Variants in NCOA3 observed in about 807,000 individuals in gnomAD.
NCOA3 encodes CBP-interacting protein.
In NCOA3, 51 loss-of-function variants were observed where a neutral mutation model predicts 158.8. The ratio of observed to expected loss-of-function variants is 0.32; its 90% confidence interval spans 0.26 to 0.41. The LOEUF (loss-of-function observed/expected upper bound fraction) is 0.41, where lower values mean the gene tolerates loss of function less well. Ranked by LOEUF, NCOA3 falls within the 10% of genes least tolerant of loss-of-function variation. The probability of loss-of-function intolerance (pLI) is 1.00; values close to 1 mark genes in which losing one functional copy is unlikely to be tolerated. For missense variants in NCOA3, 1,510 were observed against 1,746.6 expected, an observed-to-expected ratio of 0.86 and a Z score of 2.41; for synonymous variants, 537 against 592.4, an observed-to-expected ratio of 0.91 and a Z score of 1.36.
At chr20:47,587,138 G>A (rs968193289) in intron 2 of NCOA3, among the ~76,000 whole-genome samples, 3 of 152,234 alleles carry the variant, frequency 2.0e-5, no homozygotes, top group Non-Finnish European at 2.9e-5. Flanking sequence ...TTACCCGTCG[G>A]ATCTTGGCTG....
chr20:47,544,008 G>A (rs984073973), intron 1 of NCOA3, among the ~76,000 whole-genome samples: 2 of 151,990 alleles, frequency 1.3e-5, no homozygotes, highest in Admixed American at 1.3e-4. Flanking sequence ...AGACTTTTGG[G>A]AATGTTGCAA....
At position 47,622,337 on chromosome 20, in the gene NCOA3, G is replaced by T; in HGVS notation, c.83+7G>T. ...GTGATACTCCAGGACAAGGGTAGGT[G>T]ACTTATTTCCTGGTGCTTTACCACA... On this transcript the variant is annotated splice_region_variant and intron_variant, in intron 3 of 22. Transcript: ENST00000371998. 1 of 1,571,338 alleles carries T rather than the reference G, an allele frequency of 6.4e-7. No individual in the cohort carries two copies. Among genetic ancestry groups the T allele is most frequent in the Non-Finnish European group, 8.7e-7 (1 of 1,155,390 alleles).
At chr20:47,641,459 A>G (rs1203656040) in intron 16 of NCOA3, among the ~76,000 whole-genome samples, 1 of 132,106 alleles carries the variant, frequency 7.6e-6, no homozygotes, top group Non-Finnish European at 1.6e-5. Context: ...TTCTGGGATT[A>G]CAGGTGTCAG....
intron 2 of NCOA3, among the ~76,000 whole-genome samples, chr20:47,600,110 T>TTGTG (rs11472351): frequency 0.037 from 5,283 of 143,002 alleles, 155 homozygotes; most frequent in African/African-American, 0.079. Context: ...CTCACTTCCT[T>TTGTG]TGTGTGTGTG....
At chr20:47,546,533 T>TC in intron 1 of NCOA3, among the ~76,000 whole-genome samples, 1 of 151,402 alleles carries the variant, frequency 6.6e-6, no homozygotes, top group East Asian at 1.9e-4. Flanking sequence ...CTCTGTTTTT[T>TC]TTTTTTTTTT....
intron 17 of NCOA3, among the ~76,000 whole-genome samples, chr20:47,644,552 G>A (rs772206000): frequency 1.3e-4 from 20 of 152,152 alleles, no homozygotes; most frequent in Non-Finnish European, 2.8e-4. Context: ...AGTATCTGGT[G>A]ATCCCTGACT....
intron 2 of NCOA3, among the ~76,000 whole-genome samples, chr20:47,595,578 G>T (rs754538200): frequency 6.6e-6 from 1 of 152,120 alleles, no homozygotes; most frequent in African/African-American, 2.4e-5. Flanking sequence ...GTCCAGTAAG[G>T]CCAGTTCTAT....
At chr20:47,561,979 T>C (rs1050767949) in intron 1 of NCOA3, among the ~76,000 whole-genome samples, 1 of 151,036 alleles carries the variant, frequency 6.6e-6, no homozygotes, top group African/African-American at 2.4e-5. Flanking sequence ...TAGTTTTGCT[T>C]TTTTTTTTGA....
intron 1 of NCOA3, among the ~76,000 whole-genome samples, chr20:47,582,687 A>C (rs1431547102): frequency 6.6e-6 from 1 of 152,190 alleles, no homozygotes; most frequent in Non-Finnish European, 1.5e-5. Flanking sequence ...CTTTTCAAAC[A>C]GAAGTAGTGA....
rs2086879415 is a variant in NCOA3, at chr20:47,656,602, G to A, written c.*3185G>A. ...ACTCCAAGGCACACTGTTAATAAAC[G>A]AGCAGGGTGTTTTCTCTCTTCCTTT... On this transcript the variant is annotated 3_prime_UTR_variant, in exon 23 of 23. Coordinates refer to ENST00000371998, the MANE Select transcript of NCOA3 (RefSeq NM_181659.3). The A allele has an allele frequency of 6.6e-6, 1 of 152,570 alleles. No individual in the cohort carries two copies. The highest frequency in any genetic ancestry group is 1.5e-5 in the Non-Finnish European group (1 of 68,034). The allele number at this position is 152,570 out of a possible 1,614,324, so 9.5% of individuals were successfully genotyped here.
At chr20:47,516,199 A>G (rs186227483) in intron 1 of NCOA3, among the ~76,000 whole-genome samples, 56 of 152,326 alleles carry the variant, frequency 3.7e-4, no homozygotes, top group Non-Finnish European at 4.4e-5. Flanking sequence ...CTGGATGATA[A>G]TGATGCCTCA....
At chr20:47,532,654 T>G (rs538260496) in intron 1 of NCOA3, among the ~76,000 whole-genome samples, 1 of 152,154 alleles carries the variant, frequency 6.6e-6, no homozygotes, top group Non-Finnish European at 1.5e-5. Flanking sequence ...TTTTTTTTTC[T>G]TGTAGAGACA....
intron 1 of NCOA3, among the ~76,000 whole-genome samples, chr20:47,537,250 A>C (rs1321178931): frequency 6.6e-6 from 1 of 152,160 alleles, no homozygotes; most frequent in African/African-American, 2.4e-5. Flanking sequence ...GGAGAAGGAA[A>C]GTTGGTAAAA....
At position 47,555,494 on chromosome 20, in the gene NCOA3, TG is replaced by T. The variant is rs139912646; in HGVS notation, c.-98-27688del. On this transcript the variant is annotated intron_variant, in intron 1 of 22. Transcript: ENST00000371998. ...ATCCATAATTCCATTGTCAGTATTCTGTGTAGTAAAATTTGGATTATCTTCA... is the reference window on the plus strand; with the variant it reads ...ATCCATAATTCCATTGTCAGTATTCTTGTAGTAAAATTTGGATTATCTTCA... 7.8e-3 allele frequency among the ~76,000 whole-genome samples: 1,195 copies of T among 152,328 alleles called. 19 individuals are homozygous for T. The highest frequency in any genetic ancestry group is 0.027 in the African/African-American group (1,123 of 41,572).
rs757864008 is a variant in NCOA3, at chr20:47,628,021, C to T, written c.821C>T (p.Ser274Leu). ...PESFITRHDL[S>L]GKVVNIDTNS... is the part of the protein sequence containing the mutation. ...AGCTTTATTACCAGACATGATCTTT[C>T]AGGTAAAAACTCTTTTTTTGTCTCT... Residue 274 changes from serine (S) to leucine (L), a missense_variant and splice_region_variant, in exon 8 of 23, where the codon TCA becomes TTA. By Grantham distance (145) the Ser-to-Leu change is moderately radical. Coordinates refer to ENST00000371998, the MANE Select transcript of NCOA3 (RefSeq NM_181659.3). 1.2e-6 allele frequency: 2 copies of T among 1,609,670 alleles called. No homozygotes were observed. Among genetic ancestry groups the T allele is most frequent in the South Asian group, 2.2e-5 (2 of 91,006 alleles).
intron 3 of NCOA3, 98 bp from the exon 4 acceptor site, chr20:47,623,813 C>A: frequency 9.4e-6 from 10 of 1,058,310 alleles, no homozygotes; most frequent in African/African-American, 1.7e-5. Context: ...AAAAAGTAAT[C>A]ATGTAATAGT....
chr20:47,536,873 G>A (rs2084642574), intron 1 of NCOA3, among the ~76,000 whole-genome samples: 1 of 147,482 alleles, frequency 6.8e-6, no homozygotes, highest in South Asian at 2.1e-4. Context: ...GTGCAATCTC[G>A]GCTCACTGCA....
chr20:47,591,745 C>CT (rs539333586), intron 2 of NCOA3, among the ~76,000 whole-genome samples: 16,659 of 144,512 alleles, frequency 0.12, 1,143 homozygotes, highest in African/African-American at 0.18. Context: ...ACCTCCTCCC[C>CT]TTTTTTTTTT....
At chr20:47,514,042 G>A (rs1256899327) in intron 1 of NCOA3, among the ~76,000 whole-genome samples, 1 of 152,028 alleles carries the variant, frequency 6.6e-6, no homozygotes, top group Non-Finnish European at 1.5e-5. Context: ...AAGAAAGGAC[G>A]GCCACTGTAT....
Sources: gnomAD v4.1 joint callset for allele counts (sites outside exome capture counted in the v4.1 genomes callset) on GRCh38, gnomAD v4.1.1 for gene constraint, MANE v1.5 for transcripts, NCBI Gene and HGNC (gene_info 2026-07-23, HGNC 2026-07-21) for gene names.